CACNB2: variants seen among roughly 807,000 people sequenced by gnomAD.
The protein encoded by CACNB2 is calcium voltage-gated channel auxiliary subunit beta 2.
A neutral mutation model predicts 73.3 loss-of-function variants in CACNB2; 42 were observed. The observed-to-expected ratio is 0.57, with a 90% CI of 0.45 to 0.74. The LOEUF is 0.74. CACNB2 is among the 30% of genes least tolerant of loss of function. The pLI, the probability that CACNB2 is intolerant of heterozygous loss-of-function variation, is 0.00. For missense variants in CACNB2, 940 were observed against 853.0 expected (o/e 1.10, Z -1.27); for synonymous variants, 348 against 310.3 (o/e 1.12, Z -1.28).
At chr10:18,422,997 C>G (rs114652419) in intron 3 of CACNB2, among the ~76,000 whole-genome samples, 2,124 of 152,270 alleles carry the variant, frequency 0.014, 61 homozygotes, top group African/African-American at 0.048. Flanking sequence ...TGCGCCTGGC[C>G]AACACTTAAA....
chr10:18,236,326 A>G (rs2036444012), intron 2 of CACNB2, among the ~76,000 whole-genome samples: 1 of 152,234 alleles, frequency 6.6e-6, no homozygotes, highest in Non-Finnish European at 1.5e-5. Context: ...AGTACCACCT[A>G]GTCTCCAAAA....
intron 2 of CACNB2, among the ~76,000 whole-genome samples, chr10:18,164,866 C>T (rs1230805766): frequency 2.0e-5 from 3 of 152,162 alleles, no homozygotes; most frequent in Non-Finnish European, 2.9e-5. Flanking sequence ...AATACACGGA[C>T]TTCCTGACTC....
intron 2 of CACNB2, among the ~76,000 whole-genome samples, chr10:18,293,829 T>C (rs1435697824): frequency 1.3e-5 from 2 of 152,244 alleles, no homozygotes. Context: ...CAATCATTCA[T>C]GTTAATGACT....
chr10:18,236,195 G>A (rs1414523156), intron 2 of CACNB2, among the ~76,000 whole-genome samples: 1 of 152,118 alleles, frequency 6.6e-6, no homozygotes, highest in Non-Finnish European at 1.5e-5. Context: ...TGGCTCCAGT[G>A]TGACTGCAGC....
chr10:18,410,179 C>T (rs926297015), intron 3 of CACNB2, among the ~76,000 whole-genome samples: 10 of 152,176 alleles, frequency 6.6e-5, no homozygotes, highest in African/African-American at 2.4e-4. Context: ...CTTATTCTAA[C>T]ACTTTCTACT....
chr10:18,462,662 A>T (rs780816125), intron 3 of CACNB2, among the ~76,000 whole-genome samples: 1 of 152,182 alleles, frequency 6.6e-6, no homozygotes, highest in Non-Finnish European at 1.5e-5. Context: ...TTTTGCTTTC[A>T]GTATTTTTAG....
intron 9 of CACNB2, among the ~76,000 whole-genome samples, chr10:18,523,159 G>A (rs1393613897): frequency 1.3e-5 from 2 of 152,112 alleles, no homozygotes; most frequent in Non-Finnish European, 2.9e-5. Context: ...GCTCCATTTA[G>A]CTTGTTTCTT....
intron 3 of CACNB2, among the ~76,000 whole-genome samples, chr10:18,485,109 T>C (rs950044145): frequency 6.6e-6 from 1 of 152,188 alleles, no homozygotes; most frequent in Non-Finnish European, 1.5e-5. Context: ...ACCATTGCAC[T>C]CAGCCCTGTG....
At chr10:18,228,451 A>AAAAAAAAG (rs2036098063) in intron 2 of CACNB2, among the ~76,000 whole-genome samples, 9 of 95,532 alleles carry the variant, frequency 9.4e-5, no homozygotes, top group East Asian at 3.3e-4. Flanking sequence ...AAAAAAAAAG[A>AAAAAAAAG]AAAAAAAAAA....
At chr10:18,539,132 G>T (rs193210073) in intron 13 of CACNB2, 98 bp from the exon 14 acceptor site, 5 of 1,503,104 alleles carry the variant, frequency 3.3e-6, no homozygotes, top group Non-Finnish European at 4.6e-6. Flanking sequence ...CAGCTTTTCG[G>T]ATGCTTAAAA....
chr10:18,263,845 T>A (rs2037667503), intron 2 of CACNB2, among the ~76,000 whole-genome samples: 1 of 152,264 alleles, frequency 6.6e-6, no homozygotes, highest in African/African-American at 2.4e-5. Flanking sequence ...TGTAGTCCTG[T>A]CTTGCTCTTT....
At chr10:18,319,617 AATAAT>A (rs1320565856) in intron 2 of CACNB2, among the ~76,000 whole-genome samples, 2 of 152,168 alleles carry the variant, frequency 1.3e-5, no homozygotes, top group African/African-American at 4.8e-5. Flanking sequence ...TATTTTAAAA[AATAAT>A]ATAAATAATT....
chr10:18,538,482 T>A (rs1437126416), intron 13 of CACNB2, 117 bp downstream of exon 13: 2 of 842,612 alleles, frequency 2.4e-6, no homozygotes, highest in Non-Finnish European at 3.9e-6. Context: ...TCTAGTATAT[T>A]AACTCAAAGC....
chr10:18,332,575 TG>T (rs1247178585), intron 2 of CACNB2, among the ~76,000 whole-genome samples: 4 of 152,004 alleles, frequency 2.6e-5, no homozygotes, highest in African/African-American at 9.7e-5. Flanking sequence ...TCAGCATAGG[TG>T]AGAAGTGAAC....
Position 18,500,690 on chromosome 10 carries a change from T to C in CACNB2, c.457-122T>C, listed in dbSNP as rs1208907520. The C allele has an allele frequency of 4.0e-6, 4 of 993,736 alleles. No homozygotes were observed. The Admixed American group carries it at 5.5e-5, about 14-fold the overall frequency. 61.6% of individuals were successfully genotyped at this position (993,736 alleles called of 1,614,324 possible). On this transcript the variant is annotated intron_variant, in intron 4 of 13. Transcript: ENST00000324631. ...CCCATGAGCCGAAGGGTTTCTTGAA[T>C]GATAATATTTAAGGCATAGTTAATG...
At chr10:18,153,762 A>G (rs141525141) in intron 2 of CACNB2, among the ~76,000 whole-genome samples, 1 of 149,080 alleles carries the variant, frequency 6.7e-6, no homozygotes, top group African/African-American at 2.5e-5. Context: ...TTGTATTTTT[A>G]GTAAAGATGG....
intron 2 of CACNB2, chr10:18,206,804 G>A (rs2035115093): frequency 6.6e-6 from 1 of 152,242 alleles, no homozygotes; most frequent in African/African-American, 2.4e-5. Context: ...GCTGGAAGGT[G>A]AAGTAAGACA....
At chr10:18,263,609 C>G (rs764590126) in intron 2 of CACNB2, among the ~76,000 whole-genome samples, 5 of 152,108 alleles carry the variant, frequency 3.3e-5, no homozygotes, top group Non-Finnish European at 7.4e-5. Context: ...TTTAGTATGA[C>G]AGCTTTCTTA....
At chr10:18,330,029 C>T (rs952868742) in intron 2 of CACNB2, among the ~76,000 whole-genome samples, 3 of 152,000 alleles carry the variant, frequency 2.0e-5, no homozygotes, top group Admixed American at 1.3e-4. Flanking sequence ...TTAGTAGAGA[C>T]TAGGTTTTGC....
Sources: gnomAD v4.1 joint callset for allele counts (sites outside exome capture counted in the v4.1 genomes callset) on GRCh38, gnomAD v4.1.1 for gene constraint, MANE v1.5 for transcripts, NCBI Gene and HGNC (gene_info 2026-07-23, HGNC 2026-07-21) for gene names.